Variants in MACROD2 observed in about 807,000 individuals in gnomAD.
MACROD2 encodes the protein mono-ADP ribosylhydrolase 2.
A neutral mutation model predicts 70.4 loss-of-function variants in MACROD2; 36 were observed. The ratio of observed to expected loss-of-function variants is 0.51; its 90% CI spans 0.39 to 0.68. The LOEUF (loss-of-function observed/expected upper bound fraction) is 0.68. Among genes scored for constraint, MACROD2 ranks in the 30% least tolerant of loss-of-function variants. MACROD2 has a pLI of 0.00. For missense variants in MACROD2, 496 were observed against 538.4 expected (o/e 0.92, Z 0.78); for synonymous variants, 172 against 178.8 (o/e 0.96, Z 0.30).
At chr20:15,514,998 A>G (rs1462565709) in intron 8 of MACROD2, among the ~76,000 whole-genome samples, 1 of 152,196 alleles carries the variant, frequency 6.6e-6, no homozygotes, top group Non-Finnish European at 1.5e-5. Context: ...GTCACCCTCC[A>G]TGCTGCAGCT....
Position 14,669,244 on chromosome 20 carries a change from C to G in MACROD2, c.302-15599C>G, listed in dbSNP as rs530133488. Among the ~76,000 whole-genome samples the G allele has an allele frequency of 2.6e-5, 4 of 152,194 alleles. No homozygotes were observed. In the South Asian group the frequency reaches 8.3e-4, roughly 32 times the overall value. ...GAGTTACAGATACAGTGTCATTGGT[C>G]CTTTTAAAAGTATGGAAAGCAGAGT... On this transcript the variant is annotated intron_variant, in intron 4 of 17. Transcript: ENST00000684519.
intron 8 of MACROD2, among the ~76,000 whole-genome samples, chr20:15,625,848 G>A (rs535624352): frequency 8.2e-5 from 11 of 133,966 alleles, no homozygotes; most frequent in South Asian, 2.3e-4. Flanking sequence ...TCTCCTTACC[G>A]CTTTGAGCAT....
At chr20:15,781,489 G>T (rs1231838477) in intron 8 of MACROD2, among the ~76,000 whole-genome samples, 1 of 152,132 alleles carries the variant, frequency 6.6e-6, no homozygotes, top group Non-Finnish European at 1.5e-5. Context: ...AGATCAAGAT[G>T]CTAGCAGGCT....
intron 2 of MACROD2, among the ~76,000 whole-genome samples, chr20:14,051,608 A>G (rs1405716886): frequency 6.6e-6 from 1 of 152,178 alleles, no homozygotes; most frequent in Non-Finnish European, 1.5e-5. Flanking sequence ...AATTCTAGGT[A>G]TTGGTTTACT....
At chr20:15,904,793 A>G (rs2065119335) in intron 10 of MACROD2, among the ~76,000 whole-genome samples, 1 of 150,148 alleles carries the variant, frequency 6.7e-6, no homozygotes, top group African/African-American at 2.4e-5. Context: ...AGGCAGGAGA[A>G]TGATGTGAAG....
At chr20:15,307,762 T>G (rs1361090776) in intron 6 of MACROD2, among the ~76,000 whole-genome samples, 1 of 152,156 alleles carries the variant, frequency 6.6e-6, no homozygotes. Context: ...TTTTTTCTGG[T>G]CTAGGATCCA....
intron 5 of MACROD2, among the ~76,000 whole-genome samples, chr20:14,981,297 A>ACTGC (rs778355820): frequency 2.0e-5 from 3 of 151,732 alleles, no homozygotes; most frequent in Non-Finnish European, 4.4e-5. Context: ...TGCCATCCCC[A>ACTGC]CTGCCTGGAA....
chr20:14,679,865 A>G (rs146226676), intron 4 of MACROD2, among the ~76,000 whole-genome samples: 84 of 152,330 alleles, frequency 5.5e-4, no homozygotes, highest in African/African-American at 1.9e-3. Flanking sequence ...CCTTCATACC[A>G]ATAGTAACTA....
chr20:15,167,346 C>A (rs1344218245), intron 5 of MACROD2, among the ~76,000 whole-genome samples: 1 of 152,030 alleles, frequency 6.6e-6, no homozygotes, highest in Non-Finnish European at 1.5e-5. Flanking sequence ...ACTCATAACC[C>A]CTACTTAGCA....
chr20:15,643,823 A>G (rs1049872100), intron 8 of MACROD2, among the ~76,000 whole-genome samples: 3 of 152,170 alleles, frequency 2.0e-5, no homozygotes, highest in African/African-American at 7.2e-5. Flanking sequence ...TTAAAATTAG[A>G]TGGACATTTA....
chr20:14,091,487 T>C (rs1013518051), intron 3 of MACROD2, among the ~76,000 whole-genome samples: 3 of 152,282 alleles, frequency 2.0e-5, no homozygotes, highest in Admixed American at 2.0e-4. Context: ...AAATCGCAAA[T>C]GTCTCACCAT....
intron 8 of MACROD2, among the ~76,000 whole-genome samples, chr20:15,733,108 A>C (rs1021716448): frequency 1.3e-5 from 2 of 151,952 alleles, no homozygotes; most frequent in African/African-American, 4.8e-5. Context: ...TTGATTTTCA[A>C]TCCCTTTCAT....
chr20:14,003,934 C>CT (rs1569110085), intron 2 of MACROD2, among the ~76,000 whole-genome samples: 1 of 152,104 alleles, frequency 6.6e-6, no homozygotes, highest in Non-Finnish European at 1.5e-5. Flanking sequence ...TCAGTAATTT[C>CT]TTTTTTTGTT....
intron 3 of MACROD2, among the ~76,000 whole-genome samples, chr20:14,355,103 A>G (rs1367930399): frequency 6.6e-6 from 1 of 152,140 alleles, no homozygotes; most frequent in Admixed American, 6.5e-5. Context: ...AAACTGGTAG[A>G]ATGATTTGTT....
chr20:15,366,910 T>C (rs921196819), intron 6 of MACROD2, among the ~76,000 whole-genome samples: 2 of 152,144 alleles, frequency 1.3e-5, no homozygotes, highest in African/African-American at 4.8e-5. Flanking sequence ...TGTCCCATCC[T>C]TCATAACTTT....
At chr20:15,941,549 G>A (rs1472228810) in intron 12 of MACROD2, among the ~76,000 whole-genome samples, 1 of 152,108 alleles carries the variant, frequency 6.6e-6, no homozygotes, top group Admixed American at 6.5e-5. Context: ...AGGTTAAAAG[G>A]CAGTCATATG....
intron 3 of MACROD2, among the ~76,000 whole-genome samples, chr20:14,250,774 A>G (rs964972993): frequency 1.3e-5 from 2 of 152,220 alleles, no homozygotes; most frequent in Admixed American, 1.3e-4. Flanking sequence ...TGACAATAAT[A>G]ATAATAATGT....
chr20:15,718,254 G>C (rs1363634068), intron 8 of MACROD2, among the ~76,000 whole-genome samples: 1 of 152,012 alleles, frequency 6.6e-6, no homozygotes, highest in Non-Finnish European at 1.5e-5. Flanking sequence ...CTCCCAAAGT[G>C]CTGGGATTAC....
chr20:15,814,371 G>A (rs1414499002), intron 8 of MACROD2, among the ~76,000 whole-genome samples: 5 of 152,126 alleles, frequency 3.3e-5, no homozygotes, highest in Admixed American at 3.3e-4. Context: ...ATTCTCTAGT[G>A]TATCAATACC....
Sources: gnomAD v4.1 joint callset for allele counts (sites outside exome capture counted in the v4.1 genomes callset) on GRCh38, gnomAD v4.1.1 for gene constraint, MANE v1.5 for transcripts, NCBI Gene and HGNC (gene_info 2026-07-23, HGNC 2026-07-21) for gene names.